XIRP2: variants seen among roughly 807,000 people sequenced by gnomAD.
XIRP2 encodes xin actin binding repeat containing 2.
Under a neutral mutation model 277.0 loss-of-function variants are expected in XIRP2, and 236 were observed. That is an observed-to-expected ratio of 0.85 (90% confidence interval 0.77 to 0.95). The LOEUF (loss-of-function observed/expected upper bound fraction) is 0.95, where lower values mean the gene tolerates loss of function less well. XIRP2 is among the 40% of genes least tolerant of loss of function. The probability of loss-of-function intolerance (pLI) is 0.00; values close to 1 mark genes in which losing one functional copy is unlikely to be tolerated. For synonymous variants in XIRP2, 1,490 were observed against 1,416.5 expected (o/e 1.05, Z -1.17); for missense variants, 4,640 against 4,157.5 (o/e 1.12, Z -3.19).
At chr2:167,087,717 GT>G (rs1460029157) in intron 2 of XIRP2, among the ~76,000 whole-genome samples, 1 of 152,210 alleles carries the variant, frequency 6.6e-6, no homozygotes, top group African/African-American at 2.4e-5. Context: ...AGGTGCGTCT[GT>G]CACCCCTTTC....
intron 3 of XIRP2, among the ~76,000 whole-genome samples, chr2:167,149,283 A>G (rs138214244): frequency 6.6e-6 from 1 of 152,332 alleles, no homozygotes; most frequent in East Asian, 1.9e-4. Context: ...CAAAATATAA[A>G]TGCTTTCTGG....
At chr2:167,238,325 A>T (rs913545963) in intron 5 of XIRP2, among the ~76,000 whole-genome samples, 1 of 152,156 alleles carries the variant, frequency 6.6e-6, no homozygotes, top group African/African-American at 2.4e-5. Flanking sequence ...ATTTAATGAG[A>T]TACAATCTAC....
At chr2:166,920,470 T>C (rs1363440217) in intron 2 of XIRP2, among the ~76,000 whole-genome samples, 1 of 152,126 alleles carries the variant, frequency 6.6e-6, no homozygotes, top group Non-Finnish European at 1.5e-5. Flanking sequence ...AAGCAATTCT[T>C]AAACATTGAG....
intron 2 of XIRP2, among the ~76,000 whole-genome samples, chr2:167,018,582 A>C (rs902368160): frequency 6.6e-6 from 1 of 151,994 alleles, no homozygotes; most frequent in Non-Finnish European, 1.5e-5. Context: ...CCACAGACAT[A>C]GAAGAGTCCC....
At chr2:167,087,126 G>A (rs933708294) in intron 2 of XIRP2, among the ~76,000 whole-genome samples, 2 of 152,022 alleles carry the variant, frequency 1.3e-5, no homozygotes, top group Non-Finnish European at 1.5e-5. Flanking sequence ...TTTTTGGTGT[G>A]GATGTCCTTT....
At chr2:167,056,798 T>C (rs1036997437) in intron 2 of XIRP2, among the ~76,000 whole-genome samples, 9 of 152,200 alleles carry the variant, frequency 5.9e-5, no homozygotes, top group African/African-American at 1.7e-4. Context: ...GTCTCCTCCA[T>C]ATCCTCCTTC....
intron 2 of XIRP2, among the ~76,000 whole-genome samples, chr2:167,059,832 C>T (rs867745759): frequency 1.3e-5 from 2 of 152,182 alleles, no homozygotes; most frequent in Non-Finnish European, 2.9e-5. Context: ...TTGGTCAATG[C>T]GACATCAGCA....
At chr2:166,961,906 G>C (rs937576700) in intron 2 of XIRP2, among the ~76,000 whole-genome samples, 1 of 151,466 alleles carries the variant, frequency 6.6e-6, no homozygotes, top group African/African-American at 2.4e-5. Context: ...TTGAATATTT[G>C]TCTTTTAAAA....
chr2:166,903,681 G>T lies in XIRP2; in HGVS notation c.199G>T (p.Gly67Trp). ...TCCCACAAGTCTGCCCTACAGTACA[G>T]GGGAAGAGATGTGGAGTTCGAAGCC... ...LDPTSLPYST[G>W]EEMWSSKPEE... The change falls in exon 2 of 11, where the codon GGG becomes TGG. Residue 67 changes from glycine to tryptophan, a missense_variant. Transcript: ENST00000409195. 3.1e-6 allele frequency: 5 copies of T among 1,613,660 alleles called. No homozygotes were observed. The highest frequency in any genetic ancestry group is 3.4e-6 in the Non-Finnish European group (4 of 1,179,786).
At chr2:167,014,996 T>G (rs2105476232) in intron 2 of XIRP2, among the ~76,000 whole-genome samples, 1 of 151,850 alleles carries the variant, frequency 6.6e-6, no homozygotes, top group East Asian at 1.9e-4. Flanking sequence ...ATTTTACACA[T>G]CCACGAGTCT....
chr2:167,167,340 CTAA>C (rs1692553949), intron 3 of XIRP2, among the ~76,000 whole-genome samples: 1 of 152,104 alleles, frequency 6.6e-6, no homozygotes, highest in South Asian at 2.1e-4. Flanking sequence ...AAAGTGATTA[CTAA>C]TATAGTTAGA....
At chr2:166,929,355 C>T (rs1204454412) in intron 2 of XIRP2, among the ~76,000 whole-genome samples, 1 of 152,054 alleles carries the variant, frequency 6.6e-6, no homozygotes, top group Non-Finnish European at 1.5e-5. Flanking sequence ...TCCTAAAAAT[C>T]CCCACCTTCA....
In XIRP2 at chr2:166,931,134, G is replaced by T. The variant is rs1459497093; in HGVS notation, c.408+27244G>T. 2.6e-5 allele frequency among the ~76,000 whole-genome samples: 4 copies of T among 152,240 alleles called. No homozygotes were observed. In the East Asian group the frequency reaches 7.7e-4, roughly 29 times the overall value. On this transcript the variant is annotated intron_variant, in intron 2 of 10. Coordinates refer to ENST00000409195, the MANE Select transcript of XIRP2 (RefSeq NM_152381.6). The stretch of plus-strand genomic sequence containing the variant: ...AAAAGAAGATTTTGGAACAAAGAGA[G>T]AAATAAGATTAGTGTAGGTCGATAG...
chr2:167,183,244 C>G (rs567634119), intron 3 of XIRP2, among the ~76,000 whole-genome samples: 1 of 152,284 alleles, frequency 6.6e-6, no homozygotes, highest in African/African-American at 2.4e-5. Flanking sequence ...AGCAACTGTA[C>G]TAGAAGGCAA....
chr2:167,208,803 T>C (rs906456682), intron 3 of XIRP2, among the ~76,000 whole-genome samples: 1 of 152,234 alleles, frequency 6.6e-6, no homozygotes, highest in African/African-American at 2.4e-5. Context: ...TGGCATCTTT[T>C]ATGGATAACA....
chr2:167,008,312 A>G (rs539440177), intron 2 of XIRP2, among the ~76,000 whole-genome samples: 2 of 151,564 alleles, frequency 1.3e-5, no homozygotes, highest in East Asian at 1.9e-4. Context: ...AGTTTCTTCA[A>G]TTGGTTTTTA....
intron 2 of XIRP2, among the ~76,000 whole-genome samples, chr2:167,122,606 G>C (rs2105305853): frequency 6.6e-6 from 1 of 152,258 alleles, no homozygotes; most frequent in African/African-American, 2.4e-5. Context: ...AGCACAGGAA[G>C]CTGATTCTTC....
intron 5 of XIRP2, among the ~76,000 whole-genome samples, chr2:167,224,185 C>T (rs994137475): frequency 1.3e-5 from 2 of 152,078 alleles, no homozygotes; most frequent in African/African-American, 4.8e-5. Context: ...GCCCTCATGA[C>T]TAACTACCTC....
At position 167,246,001 on chromosome 2, in the gene XIRP2, T is replaced by C. The variant is rs1695247660; in HGVS notation, c.4609T>C (p.Phe1537Leu). Reference sequence around the variant, plus strand: ...CTTTGAAACAACACCACTTCATGAATTTAATGAAACTAGAGTAGAAAAGAT... The same window carrying C: ...CTTTGAAACAACACCACTTCATGAACTTAATGAAACTAGAGTAGAAAAGAT... Reference protein sequence around the residue: ...WLFETTPLHEFNETRVEKIEI... With the variant: ...WLFETTPLHELNETRVEKIEI... The change falls in exon 9 of 11, where the codon TTT becomes CTT. Residue 1537 changes from phenylalanine (F) to leucine (L), a missense_variant. By Grantham distance (22) the Phe-to-Leu change is conservative. Transcript: ENST00000409195. 1 of 1,613,064 alleles carries C rather than the reference T, an allele frequency of 6.2e-7. No homozygotes were observed. Among genetic ancestry groups the C allele is most frequent in the Admixed American group, 1.7e-5 (1 of 59,868 alleles).
Sources: allele counts gnomAD v4.1 joint callset (sites outside exome capture counted in the v4.1 genomes callset), GRCh38; gene constraint gnomAD v4.1.1; transcripts MANE v1.5; gene names NCBI Gene and HGNC (gene_info 2026-07-23, HGNC 2026-07-21).